Variants in SLC24A4 observed in about 807,000 individuals in gnomAD.
SLC24A4 encodes sodium/potassium/calcium exchanger 4.
SLC24A4 carries 53 observed loss-of-function variants against 79.0 expected under a neutral mutation model. The ratio of observed to expected loss-of-function variants is 0.67; its 90% CI spans 0.54 to 0.84. SLC24A4 has a LOEUF of 0.84. SLC24A4 is among the 40% of genes least tolerant of loss of function. SLC24A4 has a pLI of 0.00. For missense variants in SLC24A4, 731 were observed against 822.0 expected, an observed-to-expected ratio of 0.89 and a Z score of 1.35; for synonymous variants, 323 against 323.8, an observed-to-expected ratio of 1.00 and a Z score of 0.03.
At chr14:92,425,503 G>A (rs1489065357) in intron 2 of SLC24A4, among the ~76,000 whole-genome samples, 2 of 152,216 alleles carry the variant, frequency 1.3e-5, no homozygotes, top group Admixed American at 1.3e-4. Flanking sequence ...TTGCTGCAGA[G>A]GCTGTGGTCT....
At chr14:92,347,129 G>A (rs1311318797) in intron 2 of SLC24A4, among the ~76,000 whole-genome samples, 1 of 152,184 alleles carries the variant, frequency 6.6e-6, no homozygotes, top group East Asian at 1.9e-4. Context: ...TTTAAAAGTA[G>A]AGGCCCTTCA....
chr14:92,371,535 T>A (rs1888154368), intron 2 of SLC24A4, among the ~76,000 whole-genome samples: 1 of 152,218 alleles, frequency 6.6e-6, no homozygotes, highest in Non-Finnish European at 1.5e-5. Flanking sequence ...CTGGTCCTAA[T>A]CAGTTTTTCA....
intron 2 of SLC24A4, among the ~76,000 whole-genome samples, chr14:92,392,735 G>A (rs1278133868): frequency 6.6e-6 from 1 of 152,104 alleles, no homozygotes; most frequent in Non-Finnish European, 1.5e-5. Flanking sequence ...AGGAAGTGAG[G>A]GATTAGTGCT....
chr14:92,447,587 A>G (rs1365474193), intron 9 of SLC24A4, among the ~76,000 whole-genome samples, 163 bp downstream of exon 9: 1 of 152,026 alleles, frequency 6.6e-6, no homozygotes, highest in Non-Finnish European at 1.5e-5. Context: ...GGAGTAGGGG[A>G]GGGGTGTCAG....
At position 92,493,553 on chromosome 14, in the gene SLC24A4, C is replaced by T; in HGVS notation, c.1794C>T (p.Phe598=). 1 of 1,614,232 alleles carries T rather than the reference C, an allele frequency of 6.2e-7. No individual in the cohort carries two copies. The stretch of plus-strand genomic sequence containing the variant: ...ACGTGCTGGTTCTCTACGCCATCTT[C>T]TTGTGCTTCTCCATAATGATAGAGT... The part of the protein sequence containing the change: ...GVYVLVLYAI[F]LCFSIMIEFN... The change falls in exon 17 of 17, where the codon TTC becomes TTT. Residue 598 remains phenylalanine, a synonymous_variant. Coordinates refer to ENST00000532405, the MANE Select transcript of SLC24A4 (RefSeq NM_153646.4).
chr14:92,324,046 T>G, intron 1 of SLC24A4, 86 bp downstream of exon 1: 1 of 1,509,388 alleles, frequency 6.6e-7, no homozygotes, highest in Non-Finnish European at 8.9e-7. Context: ...TGTTTTCCCC[T>G]CCTTCCTCAT....
intron 2 of SLC24A4, among the ~76,000 whole-genome samples, chr14:92,426,884 A>C (rs1364678294): frequency 2.0e-5 from 3 of 152,216 alleles, no homozygotes; most frequent in Non-Finnish European, 4.4e-5. Context: ...CCAGCCTTCC[A>C]GTCTGGTTTT....
chr14:92,360,127 T>C (rs1048006085), intron 2 of SLC24A4, among the ~76,000 whole-genome samples: 5 of 152,242 alleles, frequency 3.3e-5, no homozygotes, highest in African/African-American at 1.2e-4. Context: ...GTTCACCATA[T>C]TGGCCATGAT....
intron 2 of SLC24A4, among the ~76,000 whole-genome samples, chr14:92,330,079 G>A (rs1885381375): frequency 6.6e-6 from 1 of 152,154 alleles, no homozygotes; most frequent in South Asian, 2.1e-4. Context: ...GTCAGAGGTG[G>A]TGCTCGCTGG....
chr14:92,337,803 C>T (rs142839061), intron 2 of SLC24A4, among the ~76,000 whole-genome samples: 2,115 of 152,208 alleles, frequency 0.014, 16 homozygotes, highest in Non-Finnish European at 0.024. Context: ...TGTTAATCTC[C>T]GTAAGGTGCT....
At chr14:92,372,925 C>CT (rs1566721981) in intron 2 of SLC24A4, among the ~76,000 whole-genome samples, 2 of 96,820 alleles carry the variant, frequency 2.1e-5, no homozygotes, top group African/African-American at 4.1e-5. Context: ...TCCTTTCTTT[C>CT]TCTTTCTTTC....
At chr14:92,464,421 A>G (rs1893979463) in intron 12 of SLC24A4, among the ~76,000 whole-genome samples, 1 of 152,116 alleles carries the variant, frequency 6.6e-6, no homozygotes. Context: ...CCTGCCCGGG[A>G]CCACGTGTCA....
At chr14:92,478,514 A>G (rs74779059) in intron 12 of SLC24A4, among the ~76,000 whole-genome samples, 3,745 of 152,340 alleles carry the variant, frequency 0.025, 70 homozygotes, top group Middle Eastern at 0.099. Flanking sequence ...TGTCGAGTCC[A>G]TAAATAAACC....
Position 92,449,163 on chromosome 14 carries a change from A to C in SLC24A4, c.827A>C (p.Asn276Thr). The C allele has an allele frequency of 1.2e-6, 2 of 1,614,198 alleles. No homozygotes were observed. The highest frequency in any genetic ancestry group is 1.7e-6 in the Non-Finnish European group (2 of 1,180,034). Residue 276 changes from asparagine (N) to threonine (T), a missense_variant, in exon 10 of 17, where the codon AAT becomes ACT. Asn to Thr is a moderately conservative substitution (Grantham distance 65). Transcript: ENST00000532405. ...NPVNSELEAG[N>T]DFYDGSYDDP... Reference sequence around the variant, plus strand: ...GTCAACAGTGAGCTGGAGGCTGGTAATGATTTCTATGACGGTAGCTATGAT... The same window carrying C: ...GTCAACAGTGAGCTGGAGGCTGGTACTGATTTCTATGACGGTAGCTATGAT...
chr14:92,498,887 C>T lies in SLC24A4; in HGVS notation c.*5259C>T, dbSNP rs1269755264. Reference sequence around the variant, plus strand: ...ACTAGTTTTGTGCTCAGCTTTAGGCCGGGTAGCTAATGGGAGGATGTCCAG... The same window carrying T: ...ACTAGTTTTGTGCTCAGCTTTAGGCTGGGTAGCTAATGGGAGGATGTCCAG... On this transcript the variant is annotated 3_prime_UTR_variant, in exon 17 of 17. Transcript: ENST00000532405. 3 of 152,170 alleles carry T rather than the reference C, an allele frequency of 2.0e-5. No homozygotes were observed. Among genetic ancestry groups the T allele is most frequent in the Admixed American group, 6.5e-5 (1 of 15,278 alleles). 9.4% of individuals were successfully genotyped at this position (152,170 alleles called of 1,614,324 possible). A position where few individuals can be genotyped will look rare whatever the true frequency, so the allele number is the denominator to read the frequency against.
intron 2 of SLC24A4, among the ~76,000 whole-genome samples, chr14:92,346,086 A>G (rs942072567): frequency 1.4e-4 from 22 of 152,168 alleles, no homozygotes; most frequent in African/African-American, 4.1e-4. Context: ...CTAAGGGGGC[A>G]GGAAGCGCCG....
At chr14:92,387,194 T>TTTTTA in intron 2 of SLC24A4, among the ~76,000 whole-genome samples, 1 of 150,984 alleles carries the variant, frequency 6.6e-6, no homozygotes, top group African/African-American at 2.4e-5. Context: ...TTTTTTTTTT[T>TTTTTA]GAGATGGAGT....
In SLC24A4 at chr14:92,499,701, T is replaced by TA; in HGVS notation, c.*6073_*6074insA. On this transcript the variant is annotated 3_prime_UTR_variant, in exon 17 of 17. Coordinates refer to ENST00000532405, the MANE Select transcript of SLC24A4 (RefSeq NM_153646.4). ...TAATTTGTTTTCATTTTTTTTTTTT[T>TA]TAGAGACAGGATCTCGCTGTGTTCC... 1 of 151,824 alleles carries TA rather than the reference T, an allele frequency of 6.6e-6. No individual in the cohort carries two copies. The highest frequency in any genetic ancestry group is 2.4e-5 in the African/African-American group (1 of 41,348). The allele number at this position is 151,824 out of a possible 1,614,324, so 9.4% of individuals were successfully genotyped here.
At chr14:92,434,829 A>G (rs1365607331) in intron 3 of SLC24A4, among the ~76,000 whole-genome samples, 4 of 152,222 alleles carry the variant, frequency 2.6e-5, no homozygotes, top group Non-Finnish European at 5.9e-5. Context: ...GCTGGAGTAC[A>G]GTGGCGCGAT....
Sources: allele counts gnomAD v4.1 joint callset (sites outside exome capture counted in the v4.1 genomes callset), GRCh38; gene constraint gnomAD v4.1.1; transcripts MANE v1.5; gene names NCBI Gene and HGNC (gene_info 2026-07-23, HGNC 2026-07-21).